FTSJ3: variants seen among roughly 807,000 people sequenced by gnomAD.
FTSJ3 encodes the protein FtsJ RNA 2'-O-methyltransferase 3.
A neutral mutation model predicts 111.5 loss-of-function variants in FTSJ3; 46 were observed. That is an observed-to-expected ratio of 0.41 (90% CI 0.33 to 0.53). The LOEUF is 0.53. Among genes scored for constraint, FTSJ3 ranks in the 20% least tolerant of loss-of-function variants. The pLI, the probability that FTSJ3 is intolerant of heterozygous loss-of-function variation, is 0.19. For synonymous variants in FTSJ3, 408 were observed against 383.0 expected (o/e 1.07, Z -0.76); for missense variants, 1,075 against 1,063.8 (o/e 1.01, Z -0.15).
At chr17:63,820,207 A>AGCCCCCC in intron 19 of FTSJ3, 34 bp from the exon 20 acceptor site, 1 of 310,964 alleles carries the variant, frequency 3.2e-6, no homozygotes, top group Non-Finnish European at 5.6e-6. Context: ...CCTCTTCCCC[A>AGCCCCCC]TCCCCCCACC....
chr17:63,824,383 G>T lies in FTSJ3; in HGVS notation c.946C>A (p.Arg316=). The T allele has an allele frequency of 6.2e-7, 1 of 1,614,106 alleles. No individual in the cohort carries two copies. Among genetic ancestry groups the T allele is most frequent in the Non-Finnish European group, 8.5e-7 (1 of 1,180,028 alleles). ...TTCAGCTTCTTGGCCACATATCGCCGAAGTTTTGTTCTCCAGTTTAGTAGC... is the reference window on the plus strand; with the variant it reads ...TTCAGCTTCTTGGCCACATATCGCCTAAGTTTTGTTCTCCAGTTTAGTAGC... ...RSLLNWRTKL[R]RYVAKKLKEQ... Residue 316 remains arginine (R), a synonymous_variant, in exon 11 of 21, where the codon CGG becomes AGG. Transcript: ENST00000427159.
At position 63,824,714 on chromosome 17, in the gene FTSJ3, C is replaced by T; in HGVS notation, c.840G>A (p.Leu280=). 6.2e-7 allele frequency: 1 copy of T among 1,614,056 alleles called. No homozygotes were observed. Among genetic ancestry groups the T allele is most frequent in the East Asian group, 2.2e-5 (1 of 44,876 alleles). Reference sequence around the variant, plus strand: ...CCTCAGTGGTAGCTGGATGCTGTGCCAACTCTTCATCATCTACCATGATCT... The same window carrying T: ...CCTCAGTGGTAGCTGGATGCTGTGCTAACTCTTCATCATCTACCATGATCT... ...ASEIMVDDEE[L]AQHPATTEDI... is the part of the protein sequence containing the mutation. The change falls in exon 10 of 21, where the codon TTG becomes TTA. Residue 280 remains leucine (L), a synonymous_variant. Coordinates refer to ENST00000427159, the MANE Select transcript of FTSJ3 (RefSeq NM_017647.4).
rs142033798 is a variant in FTSJ3, at chr17:63,823,787, C to T, written c.1290+30G>A. 3,574 of 1,609,036 alleles carry T rather than the reference C, an allele frequency of 2.2e-3. 67 individuals are homozygous for T. In the African/African-American group the frequency reaches 0.043, roughly 19 times the overall value. On this transcript the variant is annotated intron_variant, in intron 13 of 20. Transcript: ENST00000427159. ...AACACCCAAACAGATCCTTCTGTCT[C>T]CTAAACCTGCACCCCCAATGCCGCC...
At chr17:63,821,212 C>T (rs966026956) in intron 16 of FTSJ3, 97 bp from the exon 17 acceptor site, 32 of 1,518,032 alleles carry the variant, frequency 2.1e-5, no homozygotes, top group Admixed American at 6.7e-5. Flanking sequence ...GCAGGCTGTA[C>T]CCCAGACCAG....
chr17:63,821,965 G>A lies in FTSJ3; in HGVS notation c.1475+19C>T, dbSNP rs1172665814. On this transcript the variant is annotated intron_variant, in intron 14 of 20. Transcript: ENST00000427159. ...CCTCAGAGTGGCAGCATTCCCTTTGGTGCACACGTGCCCCTTACCGCTTTT... is the reference window on the plus strand; with the variant it reads ...CCTCAGAGTGGCAGCATTCCCTTTGATGCACACGTGCCCCTTACCGCTTTT... The A allele has an allele frequency of 5.6e-6, 9 of 1,613,356 alleles. No homozygotes were observed. Among genetic ancestry groups the A allele is most frequent in the Admixed American group, 1.7e-5 (1 of 60,010 alleles).
At chr17:63,821,293 T>C (rs2040048574) in intron 16 of FTSJ3, 61 bp downstream of exon 16, 1 of 1,549,932 alleles carries the variant, frequency 6.5e-7, no homozygotes, top group Non-Finnish European at 8.7e-7. Context: ...ACCCCCAATT[T>C]AGAGAAATGG....
chr17:63,823,637 A>G, intron 13 of FTSJ3, 180 bp downstream of exon 13: 1 of 665,458 alleles, frequency 1.5e-6, no homozygotes, highest in Non-Finnish European at 2.6e-6. Context: ...CTATCTACCT[A>G]ACTCATCCTT....
chr17:63,824,379 C>T lies in FTSJ3; in HGVS notation c.950G>A (p.Arg317Gln), dbSNP rs931816922. The T allele has an allele frequency of 1.7e-5, 27 of 1,614,054 alleles. No homozygotes were observed. The highest frequency in any genetic ancestry group is 1.3e-4 in the East Asian group (6 of 44,902). Reference protein sequence around the residue: ...SLLNWRTKLRRYVAKKLKEQA... With the variant: ...SLLNWRTKLRQYVAKKLKEQA... ...TTCTTTCAGCTTCTTGGCCACATATCGCCGAAGTTTTGTTCTCCAGTTTAG... is the reference window on the plus strand; with the variant it reads ...TTCTTTCAGCTTCTTGGCCACATATTGCCGAAGTTTTGTTCTCCAGTTTAG... The change falls in exon 11 of 21, where the codon CGA (arginine) becomes CAA (glutamine). Residue 317 changes from arginine to glutamine, a missense_variant. Physicochemically the swap from Arg to Gln is conservative, Grantham distance 43. Around this residue, in one of 2 missense-constraint regions of FTSJ3, gnomAD observed 867 missense variants for 796.9 expected, o/e 1.09. Coordinates refer to ENST00000427159, the MANE Select transcript of FTSJ3 (RefSeq NM_017647.4).
Position 63,825,393 on chromosome 17 carries a change from C to T in FTSJ3, c.444G>A (p.Leu148=). 6.2e-7 allele frequency: 1 copy of T among 1,614,158 alleles called. No individual in the cohort carries two copies. Among genetic ancestry groups the T allele is most frequent in the South Asian group, 1.1e-5 (1 of 91,086 alleles). ...TTGTGATGAAGCTGCCACCACGGGC[C>T]AAAAAGTCACAAGCCAAACGTAGAG... ...LMALRLACDF[L]ARGGSFITKV... The change falls in exon 7 of 21, where the codon TTG becomes TTA. Residue 148 remains leucine, a synonymous_variant. Transcript: ENST00000427159.
chr17:63,821,008 C>G (rs201739351), intron 17 of FTSJ3, 22 bp downstream of exon 17: 5 of 1,612,504 alleles, frequency 3.1e-6, no homozygotes, highest in Non-Finnish European at 4.2e-6. Context: ...TTTTCTCATT[C>G]CACTGCATAC....
At chr17:63,824,284 C>T (rs2040077287) in intron 11 of FTSJ3, 45 bp from the exon 12 acceptor site, 2 of 1,614,030 alleles carry the variant, frequency 1.2e-6, no homozygotes, top group African/African-American at 1.3e-5. Context: ...CCAGACTTTT[C>T]CCCTGGACAC....
At position 63,826,335 on chromosome 17, in the gene FTSJ3, G is replaced by C. The variant is rs531045183; in HGVS notation, c.174-31C>G. The C allele has an allele frequency of 3.1e-6, 5 of 1,610,330 alleles. No homozygotes were observed. The East Asian group carries it at 1.1e-4, about 36-fold the overall frequency. On this transcript the variant is annotated intron_variant, in intron 3 of 20. Transcript: ENST00000427159. ...AAAGGAACAGAAATTTAAAAACCTA[G>C]AGCCATCCTTTTCCCCCTCTTGGCA...
At chr17:63,823,255 G>C (rs2040066515) in intron 13 of FTSJ3, among the ~76,000 whole-genome samples, 1 of 152,314 alleles carries the variant, frequency 6.6e-6, no homozygotes, top group African/African-American at 2.4e-5. Context: ...TAACCTGGCA[G>C]CATCTACTAT....
Position 63,821,795 on chromosome 17 carries a change from C to T in FTSJ3, c.1524G>A (p.Glu508=), listed in dbSNP as rs756734364. 6.2e-7 allele frequency: 1 copy of T among 1,604,864 alleles called. No homozygotes were observed. Among genetic ancestry groups the T allele is most frequent in the Non-Finnish European group, 8.5e-7 (1 of 1,172,328 alleles). The change falls in exon 15 of 21, where the codon GAG becomes GAA. Residue 508 remains glutamate (E), a synonymous_variant. Coordinates refer to ENST00000427159, the MANE Select transcript of FTSJ3 (RefSeq NM_017647.4). ...VQDDKEEEEE[E]NPLLVPLEEK... is the part of the protein sequence containing the mutation. Reference sequence around the variant, plus strand: ...CCTCCAGTGGTACCAGCAGTGGATTCTCCTCCTCCTCCTCCTCTTTATCAT... The same window carrying T: ...CCTCCAGTGGTACCAGCAGTGGATTTTCCTCCTCCTCCTCCTCTTTATCAT...
chr17:63,820,702 T>TTG, intron 18 of FTSJ3, 137 bp downstream of exon 18: 2 of 166,088 alleles, frequency 1.2e-5, no homozygotes, highest in South Asian at 1.1e-4. Flanking sequence ...TCAAGGAGAA[T>TTG]CAGGCTGCAG....
chr17:63,821,016 T>TACAG lies in FTSJ3; in HGVS notation c.1972+10_1972+13dup. ...AGTGGTCTTTTCTCATTCCACTGCATACAGAGCTCTCACCTGGGTCCTCAA... is the reference window on the plus strand; with the variant it reads ...AGTGGTCTTTTCTCATTCCACTGCATACAGACAGAGCTCTCACCTGGGTCCTCAA... On this transcript the variant is annotated intron_variant, in intron 17 of 20. Coordinates refer to ENST00000427159, the MANE Select transcript of FTSJ3 (RefSeq NM_017647.4). 2 of 1,613,276 alleles carry TACAG rather than the reference T, an allele frequency of 1.2e-6. No individual in the cohort carries two copies. Among genetic ancestry groups the TACAG allele is most frequent in the Non-Finnish European group, 1.7e-6 (2 of 1,179,204 alleles).
chr17:63,827,370 C>T lies in FTSJ3; in HGVS notation c.-345G>A. On this transcript the variant is annotated 5_prime_UTR_variant, in exon 1 of 21. Transcript: ENST00000427159. ...CATGGTTCCCTTAGTGTGGTCTCGC[C>T]GCACACCCCGCCCATTGACCCGGAA... 7.1e-7 allele frequency: 1 copy of T among 1,415,228 alleles called. No individual in the cohort carries two copies. The highest frequency in any genetic ancestry group is 9.7e-7 in the Non-Finnish European group (1 of 1,027,504). The allele number at this position is 1,415,228 out of a possible 1,614,324, so 87.7% of individuals were successfully genotyped here.
rs2040078801 is a variant in FTSJ3 at position 63,824,422 on chromosome 17, G to A, written c.918-11C>T. 6.2e-7 allele frequency: 1 copy of A among 1,613,500 alleles called. No homozygotes were observed. Among genetic ancestry groups the A allele is most frequent in the Non-Finnish European group, 8.5e-7 (1 of 1,179,494 alleles). On this transcript the variant is annotated splice_polypyrimidine_tract_variant and intron_variant, in intron 10 of 20. Transcript: ENST00000427159. ...CAGTTTAGTAGCGACCTGCCCCAGA[G>A]ATACTATTACTGATCTTGCCATCTC...
Position 63,827,566 on chromosome 17 carries a change from G to C in FTSJ3, c.-541C>G, listed in dbSNP as rs1330653528. 5.8e-6 allele frequency: 9 copies of C among 1,551,440 alleles called. No homozygotes were observed. Among genetic ancestry groups the C allele is most frequent in the Non-Finnish European group, 7.0e-6 (8 of 1,146,910 alleles). On this transcript the variant is annotated 5_prime_UTR_variant, in exon 1 of 21. Coordinates refer to ENST00000427159, the MANE Select transcript of FTSJ3 (RefSeq NM_017647.4). ...CAGGTTACGGGGCTGGGTGCGGAGC[G>C]AGCGTGATCTGAGTGGAGAGCGGGC...
Sources: gnomAD v4.1 joint callset for allele counts (sites outside exome capture counted in the v4.1 genomes callset) on GRCh38, gnomAD v4.1.1 for gene constraint, gnomAD v4.1.1 regional missense constraint, MANE v1.5 for transcripts, NCBI Gene and HGNC (gene_info 2026-07-23, HGNC 2026-07-21) for gene names.